PDE1C: variants seen among roughly 807,000 people sequenced by gnomAD.
PDE1C encodes dual specificity calcium/calmodulin-dependent 3',5'-cyclic nucleotide phosphodiesterase 1C.
In PDE1C, 62 loss-of-function variants were observed where a neutral mutation model predicts 93.1. That is an observed-to-expected ratio of 0.67 (90% confidence interval 0.54 to 0.82). PDE1C has a LOEUF of 0.82. Ranked by LOEUF, PDE1C falls within the 40% of genes least tolerant of loss-of-function variation. The probability of loss-of-function intolerance (pLI) is 0.00; values close to 1 mark genes in which losing one functional copy is unlikely to be tolerated. For missense variants in PDE1C, 742 were observed against 884.6 expected (o/e 0.84, Z 2.04); for synonymous variants, 325 against 310.1 (o/e 1.05, Z -0.50).
chr7:32,242,306 AG>A (rs1465842692), intron 1 of PDE1C, among the ~76,000 whole-genome samples: 1 of 152,154 alleles, frequency 6.6e-6, no homozygotes, highest in Non-Finnish European at 1.5e-5. Flanking sequence ...CGGAGTTCCC[AG>A]GGGGTTGAAC....
At chr7:32,306,097 T>C (rs890237266) in intron 1 of PDE1C, among the ~76,000 whole-genome samples, 1 of 152,140 alleles carries the variant, frequency 6.6e-6, no homozygotes, top group Non-Finnish European at 1.5e-5. Context: ...TGATCCTTCA[T>C]TCTCTCTTGT....
At chr7:31,823,690 AG>A (rs1240926860) in intron 13 of PDE1C, among the ~76,000 whole-genome samples, 1 of 152,040 alleles carries the variant, frequency 6.6e-6, no homozygotes, top group African/African-American at 2.4e-5. Flanking sequence ...TTCCCCTGCA[AG>A]GGTCTTTCTG....
At chr7:31,769,073 G>A (rs1424564160) in intron 17 of PDE1C, among the ~76,000 whole-genome samples, 1 of 152,028 alleles carries the variant, frequency 6.6e-6, no homozygotes, top group East Asian at 1.9e-4. Context: ...TGAGATTATA[G>A]GTGTGAGCCA....
At chr7:32,119,511 C>A (rs1799172863) in intron 3 of PDE1C, among the ~76,000 whole-genome samples, 1 of 152,290 alleles carries the variant, frequency 6.6e-6, no homozygotes, top group South Asian at 2.1e-4. Context: ...AGATGACCGA[C>A]TAGAAGCAGC....
At chr7:32,070,486 C>A (rs1795914582), upstream of PDE1C, 17 of 1,563,754 alleles carry the variant, frequency 1.1e-5, no homozygotes, top group Non-Finnish European at 1.5e-5. Context: ...CCCAGCCAGG[C>A]GCGGCGCGCG....
At chr7:31,698,733 T>A in the PDE1C span, among the ~76,000 whole-genome samples, 11 of 152,172 alleles carry the variant, frequency 7.2e-5, no homozygotes, top group African/African-American at 2.7e-4. Flanking sequence ...TAGGGATAAA[T>A]GCTGTGAAGA....
the PDE1C span, among the ~76,000 whole-genome samples, chr7:31,731,373 G>T: frequency 1.3e-5 from 2 of 151,616 alleles, no homozygotes; most frequent in Admixed American, 6.6e-5. Flanking sequence ...ACAACATTGG[G>T]GTGAAAGGCA....
At chr7:32,397,279 G>GA (rs1271460788) in intron 1 of PDE1C, among the ~76,000 whole-genome samples, 3 of 151,824 alleles carry the variant, frequency 2.0e-5, no homozygotes, top group East Asian at 1.9e-4. Context: ...CAGAAACCCA[G>GA]AAAAAAATAA....
intron 6 of PDE1C, among the ~76,000 whole-genome samples, chr7:31,870,236 C>T (rs542494143): frequency 3.3e-5 from 5 of 151,236 alleles, no homozygotes; most frequent in African/African-American, 1.2e-4. Context: ...AGTAAAAAAA[C>T]AAAATAATGA....
chr7:32,136,115 G>T (rs950806662), intron 3 of PDE1C, among the ~76,000 whole-genome samples: 1 of 152,140 alleles, frequency 6.6e-6, no homozygotes, highest in African/African-American at 2.4e-5. Flanking sequence ...AGGAGGTAGA[G>T]GTGGGGAAAA....
chr7:31,689,306 T>C, the PDE1C span, among the ~76,000 whole-genome samples: 3 of 152,310 alleles, frequency 2.0e-5, no homozygotes, highest in African/African-American at 7.2e-5. Flanking sequence ...TGTGAAGTAT[T>C]AGACAACAAG....
intron 1 of PDE1C, among the ~76,000 whole-genome samples, chr7:32,052,029 T>G (rs1011814359): frequency 3.3e-5 from 5 of 152,208 alleles, no homozygotes; most frequent in Admixed American, 6.5e-5. Flanking sequence ...ATCAGTTATT[T>G]ATGTTGTCAC....
chr7:32,311,494 A>C (rs1317777913), intron 1 of PDE1C, among the ~76,000 whole-genome samples: 2 of 152,228 alleles, frequency 1.3e-5, no homozygotes, highest in Admixed American at 1.3e-4. Flanking sequence ...ACATTGATGC[A>C]AAAATCCTCA....
intron 3 of PDE1C, among the ~76,000 whole-genome samples, chr7:32,081,509 T>G (rs1796660000): frequency 6.6e-6 from 1 of 152,238 alleles, no homozygotes; most frequent in Non-Finnish European, 1.5e-5. Flanking sequence ...AGTTTCCTAC[T>G]GATAACTGGA....
chr7:31,872,402 T>C (rs1796054529), intron 6 of PDE1C, among the ~76,000 whole-genome samples: 1 of 152,120 alleles, frequency 6.6e-6, no homozygotes, highest in Non-Finnish European at 1.5e-5. Flanking sequence ...TCCCAACACA[T>C]AGAAATGATA....
At chr7:32,170,094 G>A in intron 2 of PDE1C, 2 of 740,770 alleles carry the variant, frequency 2.7e-6, no homozygotes, top group East Asian at 2.6e-5. Context: ...ACATTACAGA[G>A]TTGTAACCAG....
intron 1 of PDE1C, among the ~76,000 whole-genome samples, chr7:32,277,937 C>CAGTG (rs1811384855): frequency 6.6e-6 from 1 of 152,018 alleles, no homozygotes; most frequent in Admixed American, 6.6e-5. Context: ...GAGAATCAGG[C>CAGTG]AGTGGGAGGA....
chr7:31,919,251 T>C (rs1475230087), intron 2 of PDE1C, among the ~76,000 whole-genome samples: 2 of 152,146 alleles, frequency 1.3e-5, no homozygotes, highest in African/African-American at 4.8e-5. Context: ...GCACTGTCAT[T>C]AAGAGCACAG....
At chr7:31,747,637 A>ACAT (rs573744595), downstream of PDE1C, among the ~76,000 whole-genome samples, 3 of 152,258 alleles carry the variant, frequency 2.0e-5, no homozygotes, top group South Asian at 6.2e-4. Context: ...CTTATCACTT[A>ACAT]CATCAGTCTC....
Sources: allele counts gnomAD v4.1 joint callset (sites outside exome capture counted in the v4.1 genomes callset), GRCh38; gene constraint gnomAD v4.1.1; transcripts MANE v1.5; gene names NCBI Gene and HGNC (gene_info 2026-07-23, HGNC 2026-07-21).